The following FAM120B variants were observed in gnomAD, a reference collection of about 807,000 sequenced individuals.
FAM120B encodes family with sequence similarity 120 member B.
Under a neutral mutation model 96.3 loss-of-function variants are expected in FAM120B, and 83 were observed. That is an observed-to-expected ratio of 0.86 (90% CI 0.72 to 1.03). The LOEUF is 1.03. Ranked by LOEUF, FAM120B falls within the 50% of genes least tolerant of loss-of-function variation. The probability of loss-of-function intolerance (pLI) is 0.00; values close to 1 mark genes in which losing one functional copy is unlikely to be tolerated. For missense variants in FAM120B, 1,027 were observed against 1,121.2 expected (o/e 0.92, Z 1.20); for synonymous variants, 407 against 402.7 (o/e 1.01, Z -0.13).
At chr6:170,298,653 G>A (rs1784075926) in intron 1 of FAM120B, among the ~76,000 whole-genome samples, 1 of 151,944 alleles carries the variant, frequency 6.6e-6, no homozygotes. Context: ...TAGCCTAGTT[G>A]GTGAGTCTGA....
chr6:170,303,150 C>T (rs949667957), upstream of FAM120B, among the ~76,000 whole-genome samples: 1 of 151,988 alleles, frequency 6.6e-6, no homozygotes, highest in Admixed American at 6.6e-5. Context: ...TAGTAGTTGC[C>T]CACACCACAC....
chr6:170,385,642 CTGCGCCCCT>C (rs1227305394), intron 6 of FAM120B, among the ~76,000 whole-genome samples: 1 of 152,308 alleles, frequency 6.6e-6, no homozygotes, highest in Non-Finnish European at 1.5e-5. Flanking sequence ...AGTCCAGTAG[CTGCGCCCCT>C]TGCTGCAGCC....
intron 1 of FAM120B, among the ~76,000 whole-genome samples, chr6:170,313,980 A>G (rs964147002): frequency 6.6e-6 from 1 of 152,262 alleles, no homozygotes; most frequent in Non-Finnish European, 1.5e-5. Flanking sequence ...GTGTGCGTCC[A>G]TCAACATCAG....
At chr6:170,390,883 C>A in intron 7 of FAM120B, 130 bp from the exon 8 acceptor site, 1 of 717,756 alleles carries the variant, frequency 1.4e-6, no homozygotes, top group Non-Finnish European at 2.5e-6. Context: ...GAGGAGGGTG[C>A]AGCCACCATT....
At chr6:170,305,893 G>A (rs1483644938), upstream of FAM120B, among the ~76,000 whole-genome samples, 1 of 152,114 alleles carries the variant, frequency 6.6e-6, no homozygotes, top group Non-Finnish European at 1.5e-5. Flanking sequence ...GCAGAAATAA[G>A]ACTGAGATTG....
In FAM120B at chr6:170,391,751, T is replaced by C. The variant is rs1240387025; in HGVS notation, c.2599+630T>C. 2.0e-5 allele frequency among the ~76,000 whole-genome samples: 3 copies of C among 152,242 alleles called. 1 individual carries two copies. In the South Asian group the frequency reaches 6.2e-4, roughly 31 times the overall value. ...GGTTTATTTTTTCTTATGATAAAAG[T>C]ATATTATAAAAAATGAGTATAAAGA... On this transcript the variant is annotated intron_variant, in intron 8 of 10. Transcript: ENST00000476287.
chr6:170,305,555 T>A (rs1268864339), upstream of FAM120B, among the ~76,000 whole-genome samples: 1 of 152,252 alleles, frequency 6.6e-6, no homozygotes, highest in Non-Finnish European at 1.5e-5. Flanking sequence ...TTGACCATTT[T>A]ACTTTCCTGA....
intron 6 of FAM120B, among the ~76,000 whole-genome samples, chr6:170,375,946 C>T (rs185071583): frequency 1.3e-5 from 2 of 152,226 alleles, no homozygotes; most frequent in East Asian, 3.9e-4. Flanking sequence ...CATAGAAATT[C>T]CCTGGGGTGT....
intron 3 of FAM120B, among the ~76,000 whole-genome samples, chr6:170,324,004 G>A (rs1469965799): frequency 6.6e-6 from 1 of 152,194 alleles, no homozygotes; most frequent in Non-Finnish European, 1.5e-5. Flanking sequence ...TTTATGGTCT[G>A]ATTTGAGAAT....
chr6:170,293,281 C>T (rs368430463), upstream of FAM120B, among the ~76,000 whole-genome samples: 9 of 152,226 alleles, frequency 5.9e-5, no homozygotes, highest in African/African-American at 2.2e-4. Flanking sequence ...GCCTGCAACA[C>T]TGAGTGTAGA....
At chr6:170,313,095 T>C (rs1021082002) in intron 1 of FAM120B, among the ~76,000 whole-genome samples, 7 of 152,238 alleles carry the variant, frequency 4.6e-5, no homozygotes, top group Non-Finnish European at 1.0e-4. Context: ...TAATGACCCC[T>C]GTATGGAGAT....
intron 6 of FAM120B, among the ~76,000 whole-genome samples, chr6:170,376,836 G>T (rs1185619198): frequency 1.3e-5 from 2 of 152,192 alleles, no homozygotes; most frequent in Non-Finnish European, 2.9e-5. Context: ...TGGCACAGGG[G>T]TTTCGGTAAC....
upstream of FAM120B, among the ~76,000 whole-genome samples, chr6:170,292,376 C>T (rs977984308): frequency 6.6e-6 from 1 of 152,188 alleles, no homozygotes; most frequent in African/African-American, 2.4e-5. The surrounding 1 kb of genome is among the most constrained non-coding windows in gnomAD (Gnocchi z 6.6). Context: ...CCTAGCTTTG[C>T]ACTTCTCCCT....
chr6:170,348,330 T>A lies in FAM120B; in HGVS notation c.2190+7T>A. On this transcript the variant is annotated splice_region_variant and intron_variant, in intron 5 of 10. Transcript: ENST00000476287. ...GATCTACCTCTTTGTCCAGGTAATG[T>A]CCAGCTGCCCGTTCTAGTCACTGCA... 6.2e-7 allele frequency: 1 copy of A among 1,612,082 alleles called. No individual in the cohort carries two copies. The highest frequency in any genetic ancestry group is 8.5e-7 in the Non-Finnish European group (1 of 1,179,580).
chr6:170,325,187 T>G lies in FAM120B; in HGVS notation c.1915+1928T>G, dbSNP rs370074899. 9.8e-5 allele frequency among the ~76,000 whole-genome samples: 15 copies of G among 152,354 alleles called. No individual in the cohort carries two copies. In the South Asian group the frequency reaches 1.5e-3, roughly 15 times the overall value. On this transcript the variant is annotated intron_variant, in intron 3 of 10. Coordinates refer to ENST00000476287, the MANE Select transcript of FAM120B (RefSeq NM_032448.3). ...GGAGAGTTCACTTTTAAAAACATGG[T>G]AATACTCCTTGTCCTAAAGTTGTCT...
intron 5 of FAM120B, among the ~76,000 whole-genome samples, chr6:170,357,713 C>T (rs1788043997): frequency 1.3e-5 from 2 of 152,224 alleles, no homozygotes; most frequent in Non-Finnish European, 2.9e-5. Context: ...AAGACCTGGT[C>T]TTGGTTGGCA....
intron 6 of FAM120B, among the ~76,000 whole-genome samples, chr6:170,380,811 C>T (rs1450250653): frequency 6.6e-6 from 1 of 152,188 alleles, no homozygotes; most frequent in African/African-American, 2.4e-5. Context: ...TTTTCATTTA[C>T]TTCATTGGTC....
Position 170,404,489 on chromosome 6 carries a change from CTTGT to C in FAM120B, c.2693-56_2693-53del. ...TTCATACTTAGAAATGTGCAGCATT[CTTGT>C]TTGTGTATTGAGAGAGATTTAATTC... On this transcript the variant is annotated intron_variant, in intron 9 of 10. Coordinates refer to ENST00000476287, the MANE Select transcript of FAM120B (RefSeq NM_032448.3). 2.1e-6 allele frequency: 3 copies of C among 1,435,728 alleles called. No individual in the cohort carries two copies. The South Asian group carries it at 3.5e-5, about 17-fold the overall frequency. 88.9% of individuals were successfully genotyped at this position (1,435,728 alleles called of 1,614,324 possible).
intron 6 of FAM120B, among the ~76,000 whole-genome samples, chr6:170,383,809 A>G (rs553920934): frequency 9.5e-4 from 144 of 152,356 alleles, no homozygotes; most frequent in African/African-American, 3.3e-3. Flanking sequence ...AGGTTCATTC[A>G]AAAACCTGTG....
Sources: allele counts gnomAD v4.1 joint callset (sites outside exome capture counted in the v4.1 genomes callset), GRCh38; gene constraint gnomAD v4.1.1; non-coding constraint Gnocchi (gnomAD v3.1); transcripts MANE v1.5; gene names NCBI Gene and HGNC (gene_info 2026-07-23, HGNC 2026-07-21).